CSRNP3: variants seen among roughly 807,000 people sequenced by gnomAD.
The protein encoded by CSRNP3 is cysteine/serine-rich nuclear protein 3.
A neutral mutation model predicts 48.0 loss-of-function variants in CSRNP3; 12 were observed. The observed-to-expected ratio is 0.25, with a 90% CI of 0.16 to 0.41. CSRNP3 has a LOEUF of 0.41. Ranked by LOEUF, CSRNP3 falls within the 10% of genes least tolerant of loss-of-function variation. CSRNP3 has a pLI of 1.00. For synonymous variants in CSRNP3, 263 were observed against 269.7 expected, an observed-to-expected ratio of 0.98 and a Z score of 0.24; for missense variants, 580 against 724.4, an observed-to-expected ratio of 0.80 and a Z score of 2.29.
At chr2:165,522,856 T>C (rs1391715207) in intron 3 of CSRNP3, among the ~76,000 whole-genome samples, 1 of 152,072 alleles carries the variant, frequency 6.6e-6, no homozygotes, top group African/African-American at 2.4e-5. Flanking sequence ...TAGTGAATCC[T>C]TTCTTGTACT....
intron 4 of CSRNP3, among the ~76,000 whole-genome samples, chr2:165,645,999 C>T (rs1048225982): frequency 6.6e-6 from 1 of 152,118 alleles, no homozygotes; most frequent in African/African-American, 2.4e-5. Context: ...CCTGCATTGG[C>T]CTCCCAAAGT....
At chr2:165,599,234 CA>C (rs1245917887) in intron 4 of CSRNP3, among the ~76,000 whole-genome samples, 2 of 89,030 alleles carry the variant, frequency 2.2e-5, no homozygotes, top group Non-Finnish European at 4.8e-5. Flanking sequence ...CAAAGCAAAA[CA>C]AAAACAAAAA....
intron 5 of CSRNP3, among the ~76,000 whole-genome samples, chr2:165,661,203 T>C (rs1283329854): frequency 2.0e-5 from 3 of 152,222 alleles, no homozygotes; most frequent in East Asian, 3.8e-4. Context: ...GTTTGAAATA[T>C]AAACACCTCT....
chr2:165,638,816 G>A (rs946509538), intron 4 of CSRNP3, among the ~76,000 whole-genome samples: 1 of 152,064 alleles, frequency 6.6e-6, no homozygotes, highest in African/African-American at 2.4e-5. Context: ...CAATTGTTGG[G>A]AAATGTCCTC....
intron 4 of CSRNP3, among the ~76,000 whole-genome samples, chr2:165,651,695 G>A (rs960396872): frequency 8.7e-5 from 12 of 137,532 alleles, no homozygotes; most frequent in African/African-American, 1.7e-4. Context: ...TTGCTCTGTC[G>A]CCCAGGCTGG....
intron 3 of CSRNP3, among the ~76,000 whole-genome samples, chr2:165,567,870 T>C (rs900541861): frequency 6.6e-6 from 1 of 152,076 alleles, no homozygotes; most frequent in Admixed American, 6.6e-5. Context: ...ACATTAACAA[T>C]GTTTGATACT....
At chr2:165,500,460 TA>T (rs1230264440) in intron 2 of CSRNP3, among the ~76,000 whole-genome samples, 4 of 150,796 alleles carry the variant, frequency 2.7e-5, no homozygotes, top group African/African-American at 7.3e-5. Context: ...TATATATATA[TA>T]TATTTTGAGA....
chr2:165,676,661 C>A, intron 6 of CSRNP3, 53 bp downstream of exon 6: 1 of 1,526,474 alleles, frequency 6.6e-7, no homozygotes, highest in Non-Finnish European at 9.0e-7. Flanking sequence ...CTACCACCCC[C>A]TAAGGAGGCA....
In CSRNP3 at chr2:165,679,201, A is replaced by G; in HGVS notation, c.1206A>G (p.Glu402=). 10 of 1,613,962 alleles carry G rather than the reference A, an allele frequency of 6.2e-6. No homozygotes were observed. The highest frequency in any genetic ancestry group is 8.5e-6 in the Non-Finnish European group (10 of 1,179,984). Residue 402 remains glutamate, a synonymous_variant, in exon 7 of 7, where the codon GAA becomes GAG. Transcript: ENST00000651982. ...TGGAAGGTTTGGGCACCCATGCCGA[A>G]GTTGTCCCTCTTCCTTCAGTTCTTT... ...GFVEGLGTHA[E]VVPLPSVLCY... is the part of the protein sequence containing the mutation.
At chr2:165,665,828 G>A (rs1201002683) in intron 5 of CSRNP3, among the ~76,000 whole-genome samples, 3 of 143,308 alleles carry the variant, frequency 2.1e-5, no homozygotes, top group Admixed American at 6.9e-5. Flanking sequence ...AGGAAGGAAG[G>A]AAGAAAGGAA....
intron 4 of CSRNP3, among the ~76,000 whole-genome samples, chr2:165,629,655 G>A (rs1330478938): frequency 6.6e-6 from 1 of 152,048 alleles, no homozygotes; most frequent in African/African-American, 2.4e-5. Flanking sequence ...TTCCCTCTAG[G>A]GTCATTCATG....
chr2:165,488,974 CA>C (rs1260090765), intron 1 of CSRNP3, among the ~76,000 whole-genome samples: 1 of 113,018 alleles, frequency 8.8e-6, no homozygotes, highest in Non-Finnish European at 1.8e-5. Flanking sequence ...AATAGAGACA[CA>C]AAAAACCCTT....
intron 3 of CSRNP3, among the ~76,000 whole-genome samples, chr2:165,566,205 G>A (rs1317716868): frequency 8.5e-5 from 4 of 46,950 alleles, no homozygotes; most frequent in Admixed American, 3.0e-4. Context: ...CAATCCTATC[G>A]AGATAAAAAA....
chr2:165,595,010 T>A (rs781728709), intron 3 of CSRNP3, 33 bp from the exon 4 acceptor site: 305 of 1,592,700 alleles, frequency 1.9e-4, no homozygotes, highest in Non-Finnish European at 2.4e-4. Flanking sequence ...GGTCAAATAT[T>A]TCAATGCTCT....
chr2:165,519,404 T>C (rs1043564691), intron 3 of CSRNP3, among the ~76,000 whole-genome samples: 5 of 152,182 alleles, frequency 3.3e-5, no homozygotes, highest in African/African-American at 1.2e-4. Context: ...AGGGATCATA[T>C]GCAAATAGTA....
At chr2:165,672,082 T>C (rs2105359737) in intron 5 of CSRNP3, among the ~76,000 whole-genome samples, 1 of 152,296 alleles carries the variant, frequency 6.6e-6, no homozygotes, top group South Asian at 2.1e-4. Flanking sequence ...TTCCAAACTT[T>C]CCCACATTTT....
chr2:165,588,847 A>G (rs1450266220), intron 3 of CSRNP3, among the ~76,000 whole-genome samples: 1 of 152,126 alleles, frequency 6.6e-6, no homozygotes, highest in Non-Finnish European at 1.5e-5. Context: ...TTGTAGTTTC[A>G]GCTACTGGTG....
rs1368530395 is a variant in CSRNP3 at position 165,600,799 on chromosome 2, C to T, written c.148+5586C>T. Among the ~76,000 whole-genome samples, 20 of 152,134 alleles carry T rather than the reference C, an allele frequency of 1.3e-4. No homozygotes were observed. In the East Asian group the frequency reaches 3.7e-3, roughly 28 times the overall value. On this transcript the variant is annotated intron_variant, in intron 4 of 6. Transcript: ENST00000651982. Reference sequence around the variant, plus strand: ...TTATTTAAATCTCACTCATCATGGGCTAATCTTTCAAATTTAAAATATCTC... The same window carrying T: ...TTATTTAAATCTCACTCATCATGGGTTAATCTTTCAAATTTAAAATATCTC...
intron 2 of CSRNP3, among the ~76,000 whole-genome samples, chr2:165,509,935 C>G (rs575510043): frequency 6.6e-6 from 1 of 152,090 alleles, no homozygotes; most frequent in African/African-American, 2.4e-5. Context: ...TTTTGAAGAG[C>G]TTGAGTCAAG....
Sources: allele counts gnomAD v4.1 joint callset (sites outside exome capture counted in the v4.1 genomes callset), GRCh38; gene constraint gnomAD v4.1.1; transcripts MANE v1.5; gene names NCBI Gene and HGNC (gene_info 2026-07-23, HGNC 2026-07-21).